ANK2: variants seen among roughly 807,000 people sequenced by gnomAD.
ANK2 encodes the protein ankyrin 2.
ANK2 carries 83 observed loss-of-function variants against 360.5 expected under a neutral mutation model. The observed-to-expected ratio is 0.23, with a 90% CI of 0.19 to 0.28. ANK2 has a LOEUF of 0.28. ANK2 is among the 10% of genes least tolerant of loss of function. The pLI is 1.00. For synonymous variants in ANK2, 1,740 were observed against 1,759.5 expected (o/e 0.99, Z 0.28); for missense variants, 4,201 against 4,795.7 (o/e 0.88, Z 3.66).
intron 1 of ANK2, among the ~76,000 whole-genome samples, chr4:112,895,261 ATT>A (rs1411631363): frequency 6.6e-6 from 1 of 152,220 alleles, no homozygotes; most frequent in Non-Finnish European, 1.5e-5. Flanking sequence ...AACCAGACAT[ATT>A]AGCCTAATAC....
chr4:113,299,025 T>A (rs2073491551), intron 22 of ANK2, among the ~76,000 whole-genome samples: 1 of 152,208 alleles, frequency 6.6e-6, no homozygotes, highest in Non-Finnish European at 1.5e-5. Flanking sequence ...ACATTGCATA[T>A]AGAGGCCATT....
intron 26 of ANK2, among the ~76,000 whole-genome samples, chr4:113,322,979 G>A (rs2087211505): frequency 1.3e-5 from 2 of 152,058 alleles, no homozygotes; most frequent in South Asian, 4.1e-4. Context: ...CAAAACAAGT[G>A]TTTAGTAAGG....
chr4:113,019,079 G>A (rs2057391430), intron 2 of ANK2, among the ~76,000 whole-genome samples: 1 of 152,092 alleles, frequency 6.6e-6, no homozygotes, highest in Admixed American at 6.5e-5. Context: ...AATAAAAGGG[G>A]TATGTACATA....
intron 26 of ANK2, among the ~76,000 whole-genome samples, chr4:113,325,236 C>T (rs1349048685): frequency 1.3e-5 from 2 of 152,142 alleles, no homozygotes; most frequent in Non-Finnish European, 2.9e-5. Flanking sequence ...TTCTGCAAAA[C>T]AGCTGTTTTA....
At chr4:113,154,604 A>G (rs2097211353) in intron 1 of ANK2, among the ~76,000 whole-genome samples, 1 of 152,170 alleles carries the variant, frequency 6.6e-6, no homozygotes, top group African/African-American at 2.4e-5. Flanking sequence ...CAAATATTAG[A>G]TACTCTCTAT....
chr4:112,749,016 C>T, the ANK2 span, among the ~76,000 whole-genome samples: 3 of 152,312 alleles, frequency 2.0e-5, no homozygotes, highest in East Asian at 5.8e-4. Context: ...TCTCGGGCCT[C>T]GGCCTCCTGA....
chr4:113,232,239 A>C lies in ANK2; in HGVS notation c.463A>C (p.Asn155His). Residue 155 changes from asparagine to histidine, a missense_variant, in exon 5 of 46, where the codon AAT (asparagine) becomes CAT (histidine). Transcript: ENST00000357077. Reference sequence around the variant, plus strand: ...AAAATATTTGCTGGAAAATGGAGCTAATCAGAGCACTGCTACAGAGGTAAG... The same window carrying C: ...AAAATATTTGCTGGAAAATGGAGCTCATCAGAGCACTGCTACAGAGGTAAG... ...VVKYLLENGANQSTATEDGFT... is the reference protein window; with the variant it reads ...VVKYLLENGAHQSTATEDGFT... 6.3e-7 allele frequency: 1 copy of C among 1,596,516 alleles called. No homozygotes were observed. Among genetic ancestry groups the C allele is most frequent in the Non-Finnish European group, 8.6e-7 (1 of 1,164,164 alleles).
chr4:113,303,733 C>T (rs1489928511), intron 23 of ANK2, among the ~76,000 whole-genome samples: 1 of 152,108 alleles, frequency 6.6e-6, no homozygotes, highest in Non-Finnish European at 1.5e-5. Context: ...GAAAAAAAAT[C>T]ACGCAACCAA....
the ANK2 span, among the ~76,000 whole-genome samples, chr4:112,726,763 A>G: frequency 1.3e-5 from 2 of 149,216 alleles, no homozygotes; most frequent in African/African-American, 2.5e-5. Context: ...AGGCAGGAGA[A>G]TGGCGTGAAC....
chr4:113,297,793 CT>C (rs150267993), intron 22 of ANK2, among the ~76,000 whole-genome samples: 4 of 150,520 alleles, frequency 2.7e-5, no homozygotes, highest in Non-Finnish European at 4.4e-5. Flanking sequence ...CCTTTTCTTT[CT>C]TTTTTTTTGA....
intron 2 of ANK2, among the ~76,000 whole-genome samples, chr4:112,911,231 G>C (rs2087205796): frequency 7.2e-6 from 1 of 138,120 alleles, no homozygotes; most frequent in Non-Finnish European, 1.5e-5. Context: ...ATCTCGGCTG[G>C]GCGCAGTGGC....
At chr4:112,773,915 C>A in the ANK2 span, among the ~76,000 whole-genome samples, 1 of 152,060 alleles carries the variant, frequency 6.6e-6, no homozygotes, top group Non-Finnish European at 1.5e-5. Flanking sequence ...ATTCTCCTGC[C>A]TCAGACTCCC....
At chr4:113,315,489 A>T (rs1181587559) in intron 24 of ANK2, among the ~76,000 whole-genome samples, 1 of 152,204 alleles carries the variant, frequency 6.6e-6, no homozygotes, top group African/African-American at 2.4e-5. Flanking sequence ...CTGCTATTCC[A>T]GAAGACGGTT....
Position 113,358,093 on chromosome 4 carries a change from C to T in ANK2, c.9475C>T (p.Leu3159=), listed in dbSNP as rs754284763. 1 of 1,614,078 alleles carries T rather than the reference C, an allele frequency of 6.2e-7. No individual in the cohort carries two copies. Among genetic ancestry groups the T allele is most frequent in the East Asian group, 2.2e-5 (1 of 44,884 alleles). Residue 3159 remains leucine (L), a synonymous_variant, in exon 38 of 46, where the codon CTG becomes TTG. Transcript: ENST00000357077. ...GGCTACTGGGGCTGATCCCCTACCGCTGGAGACATCAGCTGAATCACTAGC... is the reference window on the plus strand; with the variant it reads ...GGCTACTGGGGCTGATCCCCTACCGTTGGAGACATCAGCTGAATCACTAGC... ...EGATGADPLP[L]ETSAESLALS...
At chr4:113,174,000 A>G (rs763437154) in intron 1 of ANK2, 10 of 194,164 alleles carry the variant, frequency 5.2e-5, no homozygotes, top group Middle Eastern at 9.7e-4. Context: ...AAAAAAACCC[A>G]GTAGCTTTAA....
At chr4:113,046,398 C>T (rs1426355260), upstream of ANK2, among the ~76,000 whole-genome samples, 4 of 152,046 alleles carry the variant, frequency 2.6e-5, no homozygotes, top group Non-Finnish European at 4.4e-5. Flanking sequence ...TATTTGTGTC[C>T]TCCAAAATCA....
intron 1 of ANK2, among the ~76,000 whole-genome samples, chr4:113,093,785 C>T (rs74530792): frequency 6.6e-6 from 1 of 152,176 alleles, no homozygotes; most frequent in Non-Finnish European, 1.5e-5. Context: ...ACACAACAAA[C>T]CTTCACCAAA....
intron 4 of ANK2, among the ~76,000 whole-genome samples, chr4:113,226,201 G>A (rs1302754681): frequency 2.0e-5 from 3 of 151,922 alleles, no homozygotes; most frequent in Admixed American, 1.3e-4. Context: ...CCCATTCCTC[G>A]CCAAGTAATA....
intron 2 of ANK2, among the ~76,000 whole-genome samples, chr4:113,037,625 G>T (rs1171060931): frequency 2.6e-5 from 4 of 151,846 alleles, no homozygotes; most frequent in Non-Finnish European, 5.9e-5. Flanking sequence ...TTCTTGAGGA[G>T]GATTGTTTTT....
Sources: allele counts gnomAD v4.1 joint callset (sites outside exome capture counted in the v4.1 genomes callset), GRCh38; gene constraint gnomAD v4.1.1; transcripts MANE v1.5; gene names NCBI Gene and HGNC (gene_info 2026-07-23, HGNC 2026-07-21).